CCDC171: variants seen among roughly 807,000 people sequenced by gnomAD.
The protein encoded by CCDC171 is coiled-coil domain containing 171, also known as coiled-coil domain-containing protein 171.
CCDC171 carries 177 observed loss-of-function variants against 168.2 expected under a neutral mutation model. The ratio of observed to expected loss-of-function variants is 1.05; its 90% CI spans 0.93 to 1.19. The LOEUF is 1.19. Ranked by LOEUF, CCDC171 falls within the 50% of genes most tolerant of loss-of-function variation. The pLI is 0.00. For missense variants in CCDC171, 1,991 were observed against 1,539.0 expected (o/e 1.29, Z -4.91); for synonymous variants, 687 against 540.8 (o/e 1.27, Z -3.75).
chr9:15,792,867 A>T (rs1027727454), intron 21 of CCDC171, among the ~76,000 whole-genome samples: 1 of 152,132 alleles, frequency 6.6e-6, no homozygotes, highest in Admixed American at 6.5e-5. Context: ...CACTGCAAAA[A>T]CATGCCAAAT....
intron 3 of CCDC171, among the ~76,000 whole-genome samples, chr9:15,574,319 A>G (rs1203114014): frequency 6.7e-6 from 1 of 149,874 alleles, no homozygotes; most frequent in Non-Finnish European, 1.5e-5. Context: ...TAATTTTTGT[A>G]TTTTTAGTAG....
intron 21 of CCDC171, among the ~76,000 whole-genome samples, chr9:15,799,029 C>G (rs74891779): frequency 0.018 from 2,695 of 150,316 alleles, 95 homozygotes; most frequent in African/African-American, 0.062. Flanking sequence ...TCAATTTTAC[C>G]TGTATTCTAA....
At chr9:15,994,196 T>A (rs200753642) in intron 3 of CCDC171, among the ~76,000 whole-genome samples, 3 of 152,148 alleles carry the variant, frequency 2.0e-5, no homozygotes, top group Admixed American at 6.6e-5. Context: ...CTAATGTCCA[T>A]CAATGATAGA....
intron 24 of CCDC171, among the ~76,000 whole-genome samples, chr9:15,914,677 C>T (rs1383773616): frequency 8.5e-6 from 1 of 118,124 alleles, no homozygotes; most frequent in Non-Finnish European, 1.9e-5. Context: ...GCTAGTGTTC[C>T]AGGTGACAAT....
rs570280080 is a variant in CCDC171 at position 15,820,794 on chromosome 9, A to T, written c.3268-25908A>T. On this transcript the variant is annotated intron_variant, in intron 21 of 25. Transcript: ENST00000380701. ...TGGTACCATTCCTTCTGAAACTATT[A>T]CAATTAATGGAAAAAGAGGGAATCC... Among the ~76,000 whole-genome samples, 109 of 117,238 alleles carry T rather than the reference A, an allele frequency of 9.3e-4. 24 individuals carry two copies. Among genetic ancestry groups the T allele is most frequent in the African/African-American group, 3.3e-3 (102 of 31,294 alleles). 76.9% of individuals were successfully genotyped at this position (117,238 alleles called of 152,430 possible). A position where few individuals can be genotyped will look rare whatever the true frequency, so the allele number is the denominator to read the frequency against.
chr9:15,633,977 G>C (rs1456607660), intron 7 of CCDC171, among the ~76,000 whole-genome samples: 2 of 143,864 alleles, frequency 1.4e-5, no homozygotes, highest in Non-Finnish European at 3.0e-5. Flanking sequence ...TGAACAATGA[G>C]AACACATGGA....
At chr9:15,699,760 C>T (rs915905533) in intron 11 of CCDC171, among the ~76,000 whole-genome samples, 1 of 152,082 alleles carries the variant, frequency 6.6e-6, no homozygotes, top group African/African-American at 2.4e-5. Context: ...ATTTACAATC[C>T]CTGAGCTAGA....
At chr9:16,007,095 T>C (rs1564115606) in intron 3 of CCDC171, among the ~76,000 whole-genome samples, 1 of 152,180 alleles carries the variant, frequency 6.6e-6, no homozygotes, top group Non-Finnish European at 1.5e-5. Flanking sequence ...CAGCACCCAT[T>C]GTTTCCTGAC....
At chr9:16,010,612 C>T (rs1239544351) in intron 3 of CCDC171, among the ~76,000 whole-genome samples, 1 of 152,110 alleles carries the variant, frequency 6.6e-6, no homozygotes, top group Non-Finnish European at 1.5e-5. Flanking sequence ...GCTTCTTCAG[C>T]TTCCTCACTA....
At chr9:16,095,936 G>T in the CCDC171 span, among the ~76,000 whole-genome samples, 1 of 145,218 alleles carries the variant, frequency 6.9e-6, no homozygotes, top group Non-Finnish European at 1.5e-5. Context: ...ATAGGGGTAT[G>T]TCTATATATA....
chr9:15,677,953 A>T (rs2049753228), intron 9 of CCDC171, among the ~76,000 whole-genome samples: 1 of 117,072 alleles, frequency 8.5e-6, no homozygotes, highest in South Asian at 2.9e-4. Flanking sequence ...TCTGTTACCT[A>T]GACTGGAGTG....
intron 6 of CCDC171, among the ~76,000 whole-genome samples, chr9:15,611,554 C>T (rs966479157): frequency 3.3e-5 from 5 of 152,102 alleles, no homozygotes; most frequent in Admixed American, 6.6e-5. Flanking sequence ...GTGCTCAGGG[C>T]GCTGTGAGGT....
At chr9:15,795,342 C>G (rs183010429) in intron 21 of CCDC171, among the ~76,000 whole-genome samples, 26 of 152,308 alleles carry the variant, frequency 1.7e-4, no homozygotes, top group Admixed American at 1.5e-3. Context: ...CTAATCACCT[C>G]TTAAAGGTCT....
chr9:15,634,044 C>T (rs932905316), intron 7 of CCDC171, among the ~76,000 whole-genome samples: 1 of 143,524 alleles, frequency 7.0e-6, no homozygotes, highest in African/African-American at 2.5e-5. Context: ...GAGAGGGGGG[C>T]GGGATAGCTT....
chr9:15,782,943 T>C (rs2185664), intron 20 of CCDC171, among the ~76,000 whole-genome samples: 143,340 of 152,296 alleles, frequency 0.94, 67,530 homozygotes, highest in East Asian at 1. Flanking sequence ...TTCCTGTGTG[T>C]CTTGTGATCA....
intron 24 of CCDC171, among the ~76,000 whole-genome samples, chr9:15,900,867 C>G (rs1036376001): frequency 6.6e-6 from 1 of 152,148 alleles, no homozygotes; most frequent in African/African-American, 2.4e-5. Flanking sequence ...AACCCAGCTG[C>G]TGCCACCCTG....
chr9:15,964,405 T>C (rs1830607860), intron 25 of CCDC171, among the ~76,000 whole-genome samples: 1 of 151,834 alleles, frequency 6.6e-6, no homozygotes, highest in Non-Finnish European at 1.5e-5. Context: ...TTTTATATAT[T>C]TGAGTGCATA....
intron 23 of CCDC171, among the ~76,000 whole-genome samples, chr9:15,855,294 A>T (rs1277840508): frequency 6.6e-6 from 1 of 151,736 alleles, no homozygotes; most frequent in African/African-American, 2.4e-5. Flanking sequence ...CTCTTTTATC[A>T]TTATATTATC....
intron 1 of CCDC171, among the ~76,000 whole-genome samples, chr9:16,056,070 C>T (rs1477415619): frequency 6.6e-6 from 1 of 152,122 alleles, no homozygotes; most frequent in Admixed American, 6.5e-5. Context: ...TTCAACAGAT[C>T]ACAACCATGT....
Sources: allele counts gnomAD v4.1 joint callset (sites outside exome capture counted in the v4.1 genomes callset), GRCh38; gene constraint gnomAD v4.1.1; transcripts MANE v1.5; gene names NCBI Gene and HGNC (gene_info 2026-07-23, HGNC 2026-07-21).